Variants in OR2T2 observed in about 807,000 individuals in gnomAD.
OR2T2 encodes the protein olfactory receptor 2T2.
For synonymous variants in OR2T2, 50 were observed against 162.7 expected (o/e 0.31, Z 5.27); for missense variants, 138 against 409.1 (o/e 0.34, Z 5.72).
exon 3 of OR2T2, chr1:248,453,079 C>A: frequency 5.0e-6 from 8 of 1,613,100 alleles, no homozygotes; most frequent in Non-Finnish European, 6.8e-6. Flanking sequence ...AGACCATTTC[C>A]TTCCTGGGCT....
intron 2 of OR2T2, among the ~76,000 whole-genome samples, chr1:248,448,071 G>T (rs1319299405): frequency 1.3e-5 from 2 of 152,250 alleles, no homozygotes; most frequent in African/African-American, 4.8e-5. Flanking sequence ...CAGTGCTTGT[G>T]TTCAAGTAAC....
chr1:248,450,347 CTTT>C (rs201321023), intron 2 of OR2T2, among the ~76,000 whole-genome samples: 40 of 139,196 alleles, frequency 2.9e-4, no homozygotes, highest in Admixed American at 9.5e-4. Context: ...CAAGGAACCT[CTTT>C]TTTTTTTTTT....
chr1:248,452,352 C>T (rs1226852689), intron 2 of OR2T2, among the ~76,000 whole-genome samples: 1 of 35,992 alleles, frequency 2.8e-5, no homozygotes, highest in African/African-American at 2.0e-4. Context: ...ACAATCATCT[C>T]GATGGAGATG....
chr1:248,454,690 G>A (rs1421898386), exon 3 of OR2T2: 12 of 13,272 alleles, frequency 9.0e-4, no homozygotes, highest in African/African-American at 3.4e-3. Context: ...TTAGGAAGGT[G>A]ATACTATTTT....
exon 3 of OR2T2, chr1:248,455,417 A>AAC (rs1273661573): frequency 2.4e-5 from 1 of 41,300 alleles, no homozygotes; most frequent in African/African-American, 9.6e-5. Flanking sequence ...CCTGAAATCA[A>AAC]ACACATGGAA....
chr1:248,447,118 G>A (rs549610940), intron 2 of OR2T2, among the ~76,000 whole-genome samples: 72 of 152,058 alleles, frequency 4.7e-4, no homozygotes, highest in Non-Finnish European at 3.8e-4. Context: ...ATAAGGTAAG[G>A]GAAAAGAGAA....
rs1662834881 is a variant in OR2T2, at chr1:248,452,868, TC to T, written c.75del (p.Leu27PhefsTer5). 1 of 1,614,168 alleles carries T rather than the reference TC, an allele frequency of 6.2e-7. No homozygotes were observed. Among genetic ancestry groups the T allele is most frequent in the Admixed American group, 1.7e-5 (1 of 60,018 alleles). On this transcript the variant is annotated frameshift_variant, in exon 3 of 3. Coordinates refer to ENST00000642130, the Ensembl canonical transcript of OR2T2. LOFTEE classifies it low-confidence loss of function (END_TRUNC). ...ACAGGCCTCATCACCCATCCTGCCT[TC>T]CCCGGGCTTCTCTTTGCAATAGTCT...
chr1:248,450,597 A>C (rs1038766444), intron 2 of OR2T2, among the ~76,000 whole-genome samples: 2 of 152,200 alleles, frequency 1.3e-5, no homozygotes, highest in African/African-American at 2.4e-5. Flanking sequence ...TCTGATTCAA[A>C]AGTAATTGGT....
At chr1:248,454,205 TCATGAGTCCTGCCTGCCTGTATTGCTGAC>T (rs1662891088) in exon 3 of OR2T2, 1 of 137,112 alleles carries the variant, frequency 7.3e-6, no homozygotes, top group Admixed American at 2.0e-4. Flanking sequence ...TAACGTGTGA[TCATGAGTCCTGCCTGCCTGTATTGCTGAC>T]GTGTGATCAT....
At chr1:248,449,621 G>A (rs1293731372) in intron 2 of OR2T2, among the ~76,000 whole-genome samples, 4 of 139,392 alleles carry the variant, frequency 2.9e-5, no homozygotes, top group African/African-American at 1.2e-4. Context: ...TGTGCTTGGT[G>A]TCCTCCACCT....
intron 2 of OR2T2, among the ~76,000 whole-genome samples, chr1:248,450,397 AATC>A (rs1558339472): frequency 1.4e-5 from 2 of 145,424 alleles, no homozygotes; most frequent in Non-Finnish European, 2.9e-5. Flanking sequence ...AGGTGGCTAA[AATC>A]ATATCTTTCT....
intron 1 of OR2T2, among the ~76,000 whole-genome samples, chr1:248,445,889 A>G (rs1328625338): frequency 6.7e-6 from 1 of 149,906 alleles, no homozygotes; most frequent in African/African-American, 2.5e-5. Flanking sequence ...AAACGTGGGA[A>G]GCTAAGGGAA....
exon 3 of OR2T2, chr1:248,454,205 T>C (rs1418853261): frequency 1.5e-5 from 2 of 137,112 alleles, no homozygotes; most frequent in African/African-American, 2.4e-4. Flanking sequence ...TAACGTGTGA[T>C]CATGAGTCCT....
chr1:248,447,134 C>T (rs1200564779), intron 2 of OR2T2, among the ~76,000 whole-genome samples: 1 of 151,868 alleles, frequency 6.6e-6, no homozygotes, highest in Non-Finnish European at 1.5e-5. Flanking sequence ...GAGAAATTCA[C>T]ATCATTGGAT....
intron 2 of OR2T2, among the ~76,000 whole-genome samples, chr1:248,449,828 CTTTTT>C (rs777942474): frequency 4.3e-5 from 5 of 115,302 alleles, no homozygotes; most frequent in African/African-American, 2.6e-4. Flanking sequence ...TTTTCTTTTT[CTTTTT>C]TTTTTTTTTT....
At chr1:248,453,912 C>G (rs1288821340) in exon 3 of OR2T2, 28 of 1,129,954 alleles carry the variant, frequency 2.5e-5, no homozygotes, top group Non-Finnish European at 3.6e-5. Context: ...GCCAATAACG[C>G]AGCTATTACA....
Position 248,446,323 on chromosome 1 carries a change from A to G in OR2T2, c.-245-266A>G, listed in dbSNP as rs149707417. Among the ~76,000 whole-genome samples, 2 of 144,906 alleles carry G rather than the reference A, an allele frequency of 1.4e-5. 1 individual carries two copies. The highest frequency in any genetic ancestry group is 5.6e-5 in the African/African-American group (2 of 35,584). On this transcript the variant is annotated intron_variant, in intron 1 of 2. Coordinates refer to ENST00000642130, the Ensembl canonical transcript of OR2T2. ...CTGTTGAGCTGAGTAACTGGAGCCC[A>G]GGGGGAGATGTGGACATGTTGGAAG...
At position 248,453,557 on chromosome 1, in the gene OR2T2, G is replaced by A. The variant is rs146728333; in HGVS notation, c.760G>A (p.Gly254Arg). The A allele has an allele frequency of 1.8e-3, 2,757 of 1,559,736 alleles. 6 individuals carry two copies. The highest frequency in any genetic ancestry group is 2.0e-3 in the Non-Finnish European group (2,236 of 1,142,654). Residue 254 changes from glycine to arginine, a missense_variant, in exon 3 of 3, where the codon GGG becomes AGG. Transcript: ENST00000642130. ...CATTATGGTGGTGAGCGTTTTCTAC[G>A]GGGCAGCCTTCTACACCAACGTGCT...
chr1:248,447,106 A>G (rs527982250), intron 2 of OR2T2, among the ~76,000 whole-genome samples: 56 of 152,142 alleles, frequency 3.7e-4, no homozygotes, highest in African/African-American at 1.3e-3. Flanking sequence ...TTAGAACTGG[A>G]GATAAGGTAA....
Sources: allele counts gnomAD v4.1 joint callset (sites outside exome capture counted in the v4.1 genomes callset), GRCh38; gene constraint gnomAD v4.1.1; transcripts MANE v1.5; gene names NCBI Gene and HGNC (gene_info 2026-07-23, HGNC 2026-07-21).